Variants in CHD2 observed in about 807,000 individuals in gnomAD.
CHD2 encodes the protein ATP-dependent chromatin remodeler CHD2.
In CHD2, 28 loss-of-function variants were observed where a neutral mutation model predicts 243.9. The observed-to-expected ratio is 0.11, with a 90% confidence interval of 0.09 to 0.16. CHD2 has a LOEUF of 0.16. Ranked by LOEUF, CHD2 falls within the 10% of genes least tolerant of loss-of-function variation. The pLI is 1.00. For synonymous variants in CHD2, 775 were observed against 779.0 expected (o/e 0.99, Z 0.09); for missense variants, 1,386 against 2,209.8 (o/e 0.63, Z 7.47).
chr15:92,989,726 T>C (rs541117478), intron 26 of CHD2, among the ~76,000 whole-genome samples: 22 of 152,296 alleles, frequency 1.4e-4, no homozygotes, highest in Admixed American at 3.9e-4. Context: ...CTTGCACAGT[T>C]GCTCAAGGTC....
At chr15:92,914,264 T>A (rs942545108) in intron 2 of CHD2, among the ~76,000 whole-genome samples, 1 of 152,262 alleles carries the variant, frequency 6.6e-6, no homozygotes, top group African/African-American at 2.4e-5. Flanking sequence ...TTGTAACTGC[T>A]TTTCACAGCT....
rs2054573124 is a variant in CHD2, at chr15:93,024,834, C to G, written c.*129C>G. 2 of 775,190 alleles carry G rather than the reference C, an allele frequency of 2.6e-6. No individual in the cohort carries two copies. The highest frequency in any genetic ancestry group is 4.1e-6 in the Non-Finnish European group (2 of 493,266). The allele number at this position is 775,190 out of a possible 1,614,324, so 48.0% of individuals were successfully genotyped here. Reference sequence around the variant, plus strand: ...CATGCTGCTGCTGTCAACTCACTGGCTGAAGGAGCACTTCAAGGAATGGGA... The same window carrying G: ...CATGCTGCTGCTGTCAACTCACTGGGTGAAGGAGCACTTCAAGGAATGGGA... On this transcript the variant is annotated 3_prime_UTR_variant, in exon 39 of 39. Coordinates refer to ENST00000394196, the MANE Select transcript of CHD2 (RefSeq NM_001271.4).
chr15:92,960,705 GTTTTT>G (rs71467745), intron 16 of CHD2, among the ~76,000 whole-genome samples: 2 of 51,452 alleles, frequency 3.9e-5, no homozygotes, highest in Admixed American at 2.5e-4. Context: ...TCTGTTTGGT[GTTTTT>G]TTTTTTTTTT....
intron 38 of CHD2, chr15:93,021,538 T>C (rs8038855): frequency 0.46 from 69,952 of 152,086 alleles, 16,726 homozygotes; most frequent in Middle Eastern, 0.64. Context: ...TCACTTGTAT[T>C]CTGTTGACTT....
Position 93,027,607 on chromosome 15 carries a change from G to A in CHD2, c.*2902G>A, listed in dbSNP as rs1205780848. 6.6e-6 allele frequency: 1 copy of A among 152,662 alleles called. No homozygotes were observed. The highest frequency in any genetic ancestry group is 1.5e-5 in the Non-Finnish European group (1 of 68,052). 9.5% of individuals were successfully genotyped at this position (152,662 alleles called of 1,614,324 possible). A position where few individuals can be genotyped will look rare whatever the true frequency, so the allele number is the denominator to read the frequency against. On this transcript the variant is annotated 3_prime_UTR_variant, in exon 39 of 39. Coordinates refer to ENST00000394196, the MANE Select transcript of CHD2 (RefSeq NM_001271.4). ...TCACGGTGCAAACACAGTTGATTTA[G>A]GAAGTCACACAATGACACTGAAATC...
At chr15:92,931,006 T>A (rs1034850249) in intron 5 of CHD2, among the ~76,000 whole-genome samples, 1 of 152,072 alleles carries the variant, frequency 6.6e-6, no homozygotes, top group African/African-American at 2.4e-5. Context: ...AGTCACCAGT[T>A]GAGATTCCTG....
chr15:93,023,454 T>TTA (rs1458386804), intron 38 of CHD2, among the ~76,000 whole-genome samples: 1 of 152,232 alleles, frequency 6.6e-6, no homozygotes, highest in Non-Finnish European at 1.5e-5. Flanking sequence ...TTTGGGCTGT[T>TTA]GTGAATAATG....
At chr15:92,931,567 G>A (rs2141760043) in intron 5 of CHD2, among the ~76,000 whole-genome samples, 1 of 151,950 alleles carries the variant, frequency 6.6e-6, no homozygotes, top group Non-Finnish European at 1.5e-5. Context: ...AGACATAGAG[G>A]TCTCACTACG....
Position 92,985,623 on chromosome 15 carries a change from G to A in CHD2, c.3363G>A (p.Arg1121=). The A allele has an allele frequency of 6.2e-7, 1 of 1,613,810 alleles. No individual in the cohort carries two copies. The highest frequency in any genetic ancestry group is 2.2e-5 in the East Asian group (1 of 44,884). The change falls in exon 26 of 39, where the codon AGG becomes AGA. Residue 1121 remains arginine (R), a synonymous_variant. Coordinates refer to ENST00000394196, the MANE Select transcript of CHD2 (RefSeq NM_001271.4). The part of the protein sequence containing the change: ...DKKPKRRGRP[R]SVRKDLVEGF... ...AGCCAAAGCGCAGAGGGCGTCCGAG[G>A]AGTGTGCGGAAGGACCTCGTGGAGG... is the stretch of plus-strand genomic sequence containing the variant.
intron 21 of CHD2, 50 bp downstream of exon 21, chr15:92,978,433 G>A: frequency 6.4e-7 from 1 of 1,573,790 alleles, no homozygotes. Flanking sequence ...GGGGCCAGGG[G>A]GCTTGTTCAG....
At chr15:92,983,938 C>G (rs984231413) in intron 24 of CHD2, among the ~76,000 whole-genome samples, 2 of 152,052 alleles carry the variant, frequency 1.3e-5, no homozygotes, top group Admixed American at 6.5e-5. Flanking sequence ...CTCTATACAA[C>G]TTATAGAAAT....
Position 92,994,233 on chromosome 15 carries a change from G to A in CHD2, c.3595+1235G>A, listed in dbSNP as rs193248383. ...TTATATCCCTTCAACTGTCTCATTT[G>A]CAAAATAGAGTAATAGTATCTACTT... On this transcript the variant is annotated intron_variant, in intron 28 of 38. Transcript: ENST00000394196. 5.9e-5 allele frequency among the ~76,000 whole-genome samples: 9 copies of A among 152,278 alleles called. No individual in the cohort carries two copies. The East Asian group carries it at 1.5e-3, about 26-fold the overall frequency.
At chr15:92,908,376 A>C (rs189195330) in intron 2 of CHD2, among the ~76,000 whole-genome samples, 41 of 152,298 alleles carry the variant, frequency 2.7e-4, no homozygotes, top group Admixed American at 2.0e-4. Context: ...AGTCTGCTTA[A>C]ACTATAGTCT....
intron 33 of CHD2, among the ~76,000 whole-genome samples, chr15:93,002,561 G>C (rs1307264667): frequency 1.3e-5 from 2 of 152,160 alleles, no homozygotes; most frequent in Non-Finnish European, 2.9e-5. Flanking sequence ...CATATTTCAG[G>C]GGGAAATGTT....
intron 2 of CHD2, among the ~76,000 whole-genome samples, chr15:92,911,131 A>C (rs939627275): frequency 6.6e-6 from 1 of 152,238 alleles, no homozygotes; most frequent in South Asian, 2.1e-4. Context: ...TTGCATTTTA[A>C]TTAAATAGCA....
At chr15:92,963,853 G>A (rs1274872803) in intron 16 of CHD2, among the ~76,000 whole-genome samples, 1 of 152,204 alleles carries the variant, frequency 6.6e-6, no homozygotes, top group African/African-American at 2.4e-5. Context: ...GTCACCCTAC[G>A]TAGTAAGAGT....
intron 26 of CHD2, 68 bp from the exon 27 acceptor site, chr15:92,991,408 A>G: frequency 3.5e-6 from 4 of 1,159,160 alleles, no homozygotes; most frequent in South Asian, 1.3e-5. Context: ...ATCACAGGAT[A>G]TGCTAGCATC....
At chr15:93,012,244 G>A (rs1193542389) in intron 35 of CHD2, 101 bp from the exon 36 acceptor site, 5 of 658,470 alleles carry the variant, frequency 7.6e-6, no homozygotes, top group African/African-American at 3.7e-5. Context: ...TGCTTAGGGA[G>A]TATACCACAG....
At chr15:92,986,414 A>T (rs1183362576) in intron 26 of CHD2, among the ~76,000 whole-genome samples, 1 of 152,098 alleles carries the variant, frequency 6.6e-6, no homozygotes, top group Non-Finnish European at 1.5e-5. Flanking sequence ...TGAAACTGTG[A>T]GGTGTTTCTT....
Sources: gnomAD v4.1 joint callset for allele counts (sites outside exome capture counted in the v4.1 genomes callset) on GRCh38, gnomAD v4.1.1 for gene constraint, MANE v1.5 for transcripts, NCBI Gene and HGNC (gene_info 2026-07-23, HGNC 2026-07-21) for gene names.